The following GRIP2 variants were observed in gnomAD, a reference collection of about 807,000 sequenced individuals.
GRIP2 encodes the protein glutamate receptor interacting protein 2.
GRIP2 carries 58 observed loss-of-function variants against 108.3 expected under a neutral mutation model. The ratio of observed to expected loss-of-function variants is 0.54; its 90% CI spans 0.43 to 0.67. The LOEUF is 0.67. Among genes scored for constraint, GRIP2 ranks in the 30% least tolerant of loss-of-function variants. GRIP2 has a pLI of 0.00. For synonymous variants in GRIP2, 586 were observed against 598.2 expected (o/e 0.98, Z 0.30); for missense variants, 1,278 against 1,430.6 (o/e 0.89, Z 1.72).
At chr3:14,525,368 C>A in intron 3 of GRIP2, 69 bp downstream of exon 3, 1 of 1,568,694 alleles carries the variant, frequency 6.4e-7, no homozygotes, top group Middle Eastern at 1.7e-4. Flanking sequence ...GTACATTTTC[C>A]ACTGGCCCTG....
intron 1 of GRIP2, among the ~76,000 whole-genome samples, chr3:14,551,192 C>T (rs1202055970): frequency 2.0e-5 from 3 of 152,142 alleles, no homozygotes; most frequent in Admixed American, 2.0e-4. Context: ...TGACTATCTC[C>T]CCAGTGGGTG....
the GRIP2 span, among the ~76,000 whole-genome samples, chr3:14,600,759 T>A: frequency 3.3e-5 from 5 of 152,188 alleles, no homozygotes; most frequent in Non-Finnish European, 7.3e-5. Context: ...TTTTGCCTTT[T>A]TAAAATAGTA....
At chr3:14,596,988 C>G in the GRIP2 span, among the ~76,000 whole-genome samples, 4 of 152,174 alleles carry the variant, frequency 2.6e-5, no homozygotes, top group Admixed American at 2.6e-4. Context: ...AGTAATTCTA[C>G]CTGCCTTGGC....
upstream of GRIP2, among the ~76,000 whole-genome samples, chr3:14,543,399 G>T (rs888714004): frequency 6.6e-6 from 1 of 152,258 alleles, no homozygotes. Context: ...AAGGATAGCT[G>T]TAGTGCAGCG....
the GRIP2 span, among the ~76,000 whole-genome samples, chr3:14,565,312 A>G: frequency 1.3e-5 from 2 of 152,336 alleles, no homozygotes; most frequent in East Asian, 1.9e-4. Context: ...AAGGTCACAG[A>G]GTCCATTGAA....
At chr3:14,555,894 C>T (rs183636950) in intron 1 of GRIP2, 181 of 399,720 alleles carry the variant, frequency 4.5e-4, no homozygotes, top group Admixed American at 4.4e-3. Context: ...CCAGACTCAC[C>T]GGCACCTTTG....
chr3:14,539,952 G>T (rs752302872), intron 1 of GRIP2, among the ~76,000 whole-genome samples: 2 of 152,138 alleles, frequency 1.3e-5, no homozygotes, highest in Admixed American at 6.5e-5. Flanking sequence ...TGGGCAAAAG[G>T]CTTCGCTCAC....
At chr3:14,567,898 G>A in the GRIP2 span, among the ~76,000 whole-genome samples, 2 of 152,194 alleles carry the variant, frequency 1.3e-5, no homozygotes, top group Non-Finnish European at 2.9e-5. Context: ...GGTAGGGGGA[G>A]GTCTCTGTGA....
chr3:14,529,298 AAAAAG>A (rs1468918230), intron 1 of GRIP2, among the ~76,000 whole-genome samples: 175 of 134,392 alleles, frequency 1.3e-3, no homozygotes, highest in African/African-American at 4.1e-3. Context: ...AAAAAAAAAA[AAAAAG>A]GAAAAACACT....
upstream of GRIP2, among the ~76,000 whole-genome samples, chr3:14,540,963 G>C (rs943355403): frequency 2.0e-5 from 3 of 152,238 alleles, no homozygotes; most frequent in Admixed American, 6.5e-5. This position sits in a 1 kb window ranked among gnomAD's most constrained non-coding sequence, Gnocchi z 4.1. Flanking sequence ...TGGCCACCCA[G>C]CTTTTTGTGA....
intron 3 of GRIP2, among the ~76,000 whole-genome samples, 164 bp from the exon 4 acceptor site, chr3:14,524,702 G>C (rs918941465): frequency 8.5e-5 from 13 of 152,156 alleles, no homozygotes; most frequent in African/African-American, 3.1e-4. Context: ...GGGTCACACA[G>C]CACGTAAGAG....
chr3:14,585,046 A>G, the GRIP2 span, among the ~76,000 whole-genome samples: 3 of 152,266 alleles, frequency 2.0e-5, no homozygotes, highest in Middle Eastern at 6.8e-3. Context: ...GTTTTTTGAG[A>G]TGGAGTCTCG....
chr3:14,501,402 A>G (rs887401650), intron 21 of GRIP2, among the ~76,000 whole-genome samples: 1 of 152,218 alleles, frequency 6.6e-6, no homozygotes. Context: ...AGTATCATGT[A>G]AAAGGCACTG....
the GRIP2 span, among the ~76,000 whole-genome samples, chr3:14,583,229 G>C: frequency 2.4e-4 from 36 of 152,330 alleles, no homozygotes; most frequent in South Asian, 1.0e-3. Flanking sequence ...CAGCAGGAGA[G>C]ACTGACTGTA....
At chr3:14,589,320 A>G in the GRIP2 span, among the ~76,000 whole-genome samples, 2 of 152,202 alleles carry the variant, frequency 1.3e-5, no homozygotes, top group Non-Finnish European at 2.9e-5. Context: ...AAAAAGGGGG[A>G]AAGATGTATT....
intron 9 of GRIP2, 38 bp from the exon 10 acceptor site, chr3:14,517,935 C>A: frequency 6.7e-7 from 1 of 1,498,908 alleles, no homozygotes; most frequent in South Asian, 1.4e-5. Flanking sequence ...GAGGTGCAGG[C>A]GTTAGTGGCT....
chr3:14,496,671 G>A, intron 21 of GRIP2, 111 bp from the exon 22 acceptor site: 2 of 1,406,010 alleles, frequency 1.4e-6, no homozygotes, highest in Non-Finnish European at 1.9e-6. Context: ...ATGGTGAACA[G>A]GACAGACATG....
chr3:14,515,444 C>T (rs1193079877), intron 11 of GRIP2, among the ~76,000 whole-genome samples: 2 of 151,928 alleles, frequency 1.3e-5, no homozygotes, highest in Admixed American at 1.3e-4. Flanking sequence ...GTTTTACATT[C>T]CATATATGAA....
At chr3:14,580,147 T>C in the GRIP2 span, among the ~76,000 whole-genome samples, 2 of 152,150 alleles carry the variant, frequency 1.3e-5, no homozygotes, top group Non-Finnish European at 2.9e-5. Flanking sequence ...GTCACCTCCA[T>C]ACCCCAGCAC....
Sources: allele counts gnomAD v4.1 joint callset (sites outside exome capture counted in the v4.1 genomes callset), GRCh38; gene constraint gnomAD v4.1.1; non-coding constraint Gnocchi (gnomAD v3.1); transcripts MANE v1.5; gene names NCBI Gene and HGNC (gene_info 2026-07-23, HGNC 2026-07-21).